The following PPP2R2B variants were observed in gnomAD, a reference collection of about 807,000 sequenced individuals.
PPP2R2B encodes the protein protein phosphatase 2 regulatory subunit Bbeta.
In PPP2R2B, 5 loss-of-function variants were observed where a neutral mutation model predicts 46.0. The observed-to-expected ratio is 0.11, with a 90% confidence interval of 0.06 to 0.23. The LOEUF (loss-of-function observed/expected upper bound fraction) is 0.23, where lower values mean the gene tolerates loss of function less well. Ranked by LOEUF, PPP2R2B falls within the 10% of genes least tolerant of loss-of-function variation. The probability of loss-of-function intolerance (pLI) is 1.00; values close to 1 mark genes in which losing one functional copy is unlikely to be tolerated. For synonymous variants in PPP2R2B, 215 were observed against 206.7 expected (o/e 1.04, Z -0.34); for missense variants, 367 against 575.0 (o/e 0.64, Z 3.70).
intron 5 of PPP2R2B, among the ~76,000 whole-genome samples, chr5:146,667,991 C>T (rs1250005813): frequency 6.6e-6 from 1 of 152,132 alleles, no homozygotes; most frequent in African/African-American, 2.4e-5. Context: ...CTTGGACATC[C>T]CATATTCGTA....
Position 146,626,108 on chromosome 5 carries a change from G to A in PPP2R2B, c.790+12143C>T, listed in dbSNP as rs549820605. Among the ~76,000 whole-genome samples the A allele has an allele frequency of 9.9e-5, 15 of 152,140 alleles. No homozygotes were observed. The South Asian group carries it at 2.7e-3, about 27-fold the overall frequency. On this transcript the variant is annotated intron_variant, in intron 7 of 9. Coordinates refer to ENST00000394411, the MANE Select transcript of PPP2R2B (RefSeq NM_181675.4). ...AGACTTCTGACCTGCAGAACTGCAG[G>A]ATGGTAAGTTAGTGTTGTTTTAAGC...
At chr5:146,820,432 T>C (rs1758187960) in intron 2 of PPP2R2B, among the ~76,000 whole-genome samples, 1 of 152,132 alleles carries the variant, frequency 6.6e-6, no homozygotes, top group South Asian at 2.1e-4. Context: ...TGGCATGGAT[T>C]CTCATTTGTG....
At chr5:146,620,520 G>A (rs1056683640) in intron 7 of PPP2R2B, among the ~76,000 whole-genome samples, 7 of 152,176 alleles carry the variant, frequency 4.6e-5, no homozygotes, top group African/African-American at 1.7e-4. Flanking sequence ...TGGTAACAGC[G>A]AGGGCTGGCT....
intron 1 of PPP2R2B, among the ~76,000 whole-genome samples, chr5:147,047,934 G>C (rs1756617512): frequency 6.6e-6 from 1 of 152,034 alleles, no homozygotes; most frequent in Non-Finnish European, 1.5e-5. Flanking sequence ...CCCTTCCCTT[G>C]TAGTATATTT....
At chr5:146,776,069 T>C (rs934689596) in intron 2 of PPP2R2B, among the ~76,000 whole-genome samples, 1 of 152,104 alleles carries the variant, frequency 6.6e-6, no homozygotes, top group African/African-American at 2.4e-5. Context: ...GTATATCTGT[T>C]CAAAGTGACA....
At chr5:146,997,326 A>G (rs1753968713) in intron 1 of PPP2R2B, among the ~76,000 whole-genome samples, 1 of 152,204 alleles carries the variant, frequency 6.6e-6, no homozygotes, top group Non-Finnish European at 1.5e-5. Flanking sequence ...ACCCCTGGTA[A>G]AAAACACTTG....
At chr5:146,608,847 C>G (rs942296046) in intron 7 of PPP2R2B, among the ~76,000 whole-genome samples, 2 of 152,012 alleles carry the variant, frequency 1.3e-5, no homozygotes, top group African/African-American at 2.4e-5. Flanking sequence ...AAGCCCATAT[C>G]GAACATTTAA....
intron 2 of PPP2R2B, among the ~76,000 whole-genome samples, chr5:146,854,400 T>A (rs1760527454): frequency 1.3e-5 from 2 of 152,144 alleles, no homozygotes; most frequent in South Asian, 4.1e-4. Context: ...TCACCTTGAG[T>A]ATTTATTATT....
At chr5:147,000,923 C>G (rs1048018127) in intron 1 of PPP2R2B, among the ~76,000 whole-genome samples, 1 of 152,138 alleles carries the variant, frequency 6.6e-6, no homozygotes, top group East Asian at 1.9e-4. Context: ...TCAAGTTACA[C>G]AGCCTCTTGG....
intron 1 of PPP2R2B, among the ~76,000 whole-genome samples, chr5:146,886,066 C>T (rs1418496779): frequency 1.3e-5 from 2 of 152,020 alleles, no homozygotes; most frequent in Non-Finnish European, 2.9e-5. Context: ...CGGCCGGGCG[C>T]GGTGGCTCAC....
intron 2 of PPP2R2B, among the ~76,000 whole-genome samples, chr5:146,753,635 G>A (rs144409361): frequency 1.6e-4 from 24 of 152,170 alleles, no homozygotes; most frequent in African/African-American, 5.1e-4. Context: ...TCTGATGCTC[G>A]GTTTTAAACT....
rs528429372 is a variant in PPP2R2B at position 146,592,873 on chromosome 5, T to G, written c.1052+98A>C. 32 of 1,231,966 alleles carry G rather than the reference T, an allele frequency of 2.6e-5. No individual in the cohort carries two copies. The East Asian group carries it at 7.3e-4, about 28-fold the overall frequency. 76.3% of individuals were successfully genotyped at this position (1,231,966 alleles called of 1,614,324 possible). A position where few individuals can be genotyped will look rare whatever the true frequency, so the allele number is the denominator to read the frequency against. ...ATTTCAGCCAGGTTTTGGGGCCCAATTTTGACCTCCCTTTGGCTGTACTCT... is the reference window on the plus strand; with the variant it reads ...ATTTCAGCCAGGTTTTGGGGCCCAAGTTTGACCTCCCTTTGGCTGTACTCT... On this transcript the variant is annotated intron_variant, in intron 9 of 9. Coordinates refer to ENST00000394411, the MANE Select transcript of PPP2R2B (RefSeq NM_181675.4).
At chr5:146,630,388 CAAGA>C (rs1419747388) in intron 7 of PPP2R2B, among the ~76,000 whole-genome samples, 5 of 152,208 alleles carry the variant, frequency 3.3e-5, no homozygotes, top group African/African-American at 1.2e-4. Flanking sequence ...TCCCTCCCCA[CAAGA>C]AAGTATGGTC....
At chr5:147,076,539 T>C (rs1326438312) in intron 2 of PPP2R2B, among the ~76,000 whole-genome samples, 1 of 152,218 alleles carries the variant, frequency 6.6e-6, no homozygotes, top group African/African-American at 2.4e-5. Context: ...ACTGAGAATA[T>C]ATTGTTTAAG....
chr5:146,928,707 T>C (rs1248300654), intron 1 of PPP2R2B, among the ~76,000 whole-genome samples: 1 of 152,148 alleles, frequency 6.6e-6, no homozygotes, highest in Non-Finnish European at 1.5e-5. Flanking sequence ...AACCCTGGTA[T>C]ACTATACTCA....
intron 1 of PPP2R2B, among the ~76,000 whole-genome samples, chr5:146,901,423 T>C (rs1016674456): frequency 1.3e-5 from 2 of 151,986 alleles, no homozygotes; most frequent in African/African-American, 4.8e-5. Flanking sequence ...GATGATTGCT[T>C]AGGAGGTCAA....
At chr5:146,809,595 A>AT (rs1432174025) in intron 2 of PPP2R2B, among the ~76,000 whole-genome samples, 1 of 152,170 alleles carries the variant, frequency 6.6e-6, no homozygotes, top group Non-Finnish European at 1.5e-5. Flanking sequence ...TAAAACTGGA[A>AT]GGACGAAGCA....
chr5:146,861,960 A>T (rs887137162), intron 2 of PPP2R2B, among the ~76,000 whole-genome samples: 1 of 152,032 alleles, frequency 6.6e-6, no homozygotes, highest in Non-Finnish European at 1.5e-5. Flanking sequence ...TAACTCATAT[A>T]ATATGAATGA....
intron 1 of PPP2R2B, among the ~76,000 whole-genome samples, chr5:146,985,956 G>C (rs962121091): frequency 1.1e-4 from 16 of 152,190 alleles, no homozygotes; most frequent in Admixed American, 6.5e-4. Flanking sequence ...AACAGGAAAA[G>C]GTAGAGCAAG....
Sources: allele counts gnomAD v4.1 joint callset (sites outside exome capture counted in the v4.1 genomes callset), GRCh38; gene constraint gnomAD v4.1.1; transcripts MANE v1.5; gene names NCBI Gene and HGNC (gene_info 2026-07-23, HGNC 2026-07-21).